Variants in AFTPH observed in about 807,000 individuals in gnomAD.
The protein encoded by AFTPH is aftiphilin protein.
Under a neutral mutation model 72.5 loss-of-function variants are expected in AFTPH, and 7 were observed. The observed-to-expected ratio is 0.10, with a 90% CI of 0.05 to 0.18. AFTPH has a LOEUF of 0.18. Among genes scored for constraint, AFTPH ranks in the 10% least tolerant of loss-of-function variants. The pLI, the probability that AFTPH is intolerant of heterozygous loss-of-function variation, is 1.00. For missense variants in AFTPH, 979 were observed against 1,060.5 expected (o/e 0.92, Z 1.07); for synonymous variants, 337 against 370.1 (o/e 0.91, Z 1.03).
At chr2:64,592,135 ATT>A in exon 9 of AFTPH, 3 of 1,170,080 alleles carry the variant, frequency 2.6e-6, no homozygotes, top group Non-Finnish European at 3.5e-6. Context: ...AAAAAAAAAA[ATT>A]CAAGTTCAGC....
At chr2:64,546,087 T>C (rs938214589) in intron 1 of AFTPH, among the ~76,000 whole-genome samples, 21 of 152,000 alleles carry the variant, frequency 1.4e-4, no homozygotes, top group Non-Finnish European at 1.8e-4. Context: ...GAGATGGGGT[T>C]TCACCATGTT....
rs544191488 is a variant in AFTPH at position 64,569,481 on chromosome 2, C to A, written c.2215-142C>A. Reference sequence around the variant, plus strand: ...GGAATTGGACTGGGAGATAAAATAACCCATATGGGCAATTTTTAAGTTTCA... The same window carrying A: ...GGAATTGGACTGGGAGATAAAATAAACCATATGGGCAATTTTTAAGTTTCA... On this transcript the variant is annotated intron_variant, in intron 4 of 8. Transcript: ENST00000238856. The A allele has an allele frequency of 7.2e-6, 7 of 976,382 alleles. No homozygotes were observed. The East Asian group carries it at 1.3e-4, about 18-fold the overall frequency. The allele number at this position is 976,382 out of a possible 1,614,324, so 60.5% of individuals were successfully genotyped here.
intron 7 of AFTPH, among the ~76,000 whole-genome samples, chr2:64,582,276 CT>C (rs1331348955): frequency 2.0e-5 from 3 of 152,212 alleles, no homozygotes; most frequent in Non-Finnish European, 1.5e-5. Flanking sequence ...CTACCACCCA[CT>C]TCCAACAGTT....
intron 1 of AFTPH, among the ~76,000 whole-genome samples, chr2:64,533,429 C>A (rs971347268): frequency 6.6e-6 from 1 of 151,980 alleles, no homozygotes. Context: ...AAACAAAAAT[C>A]TAAGGAAAAC....
chr2:64,570,429 G>A (rs1416708434), intron 5 of AFTPH, among the ~76,000 whole-genome samples: 1 of 152,182 alleles, frequency 6.6e-6, no homozygotes, highest in Non-Finnish European at 1.5e-5. Context: ...TGTGGAACTT[G>A]ACCTTTAAAT....
chr2:64,533,394 CCCTG>C (rs997877200), intron 1 of AFTPH, among the ~76,000 whole-genome samples: 3 of 152,014 alleles, frequency 2.0e-5, no homozygotes, highest in African/African-American at 7.2e-5. Context: ...GTGAGTGAGA[CCCTG>C]CCTCCAAAAA....
At chr2:64,544,053 A>G (rs371204573) in intron 1 of AFTPH, among the ~76,000 whole-genome samples, 1 of 152,074 alleles carries the variant, frequency 6.6e-6, no homozygotes, top group East Asian at 1.9e-4. Flanking sequence ...ACCCCTTTAT[A>G]TTGGACCTTC....
chr2:64,570,887 G>A (rs1360575410), intron 5 of AFTPH, among the ~76,000 whole-genome samples: 2 of 145,902 alleles, frequency 1.4e-5, no homozygotes, highest in African/African-American at 5.0e-5. Flanking sequence ...TATTTCTATG[G>A]ACTTTTTTTC....
At chr2:64,577,718 G>C (rs1344697995) in intron 6 of AFTPH, among the ~76,000 whole-genome samples, 1 of 152,144 alleles carries the variant, frequency 6.6e-6, no homozygotes, top group African/African-American at 2.4e-5. Flanking sequence ...AGCTGTGCAG[G>C]TAGGTTATAA....
At chr2:64,588,564 A>G (rs1489345752) in intron 8 of AFTPH, among the ~76,000 whole-genome samples, 2 of 152,192 alleles carry the variant, frequency 1.3e-5, no homozygotes, top group Admixed American at 6.5e-5. Context: ...CAAGTTCTCC[A>G]CATTCTTACC....
chr2:64,547,086 A>G (rs1005925269), intron 1 of AFTPH, among the ~76,000 whole-genome samples: 70 of 152,100 alleles, frequency 4.6e-4, no homozygotes, highest in African/African-American at 1.6e-3. Flanking sequence ...TACTACCATC[A>G]CAATCAAGAA....
intron 1 of AFTPH, among the ~76,000 whole-genome samples, chr2:64,550,766 T>C (rs1670997908): frequency 6.6e-6 from 1 of 150,560 alleles, no homozygotes; most frequent in African/African-American, 2.4e-5. Flanking sequence ...GTACCTGAGT[T>C]AATAGTATTG....
chr2:64,566,276 T>C (rs1047349190), intron 2 of AFTPH, among the ~76,000 whole-genome samples: 1 of 147,864 alleles, frequency 6.8e-6, no homozygotes, highest in Non-Finnish European at 1.5e-5. Context: ...CCTTTTCCAA[T>C]ATCACACACA....
At chr2:64,575,145 A>G (rs924350902) in intron 6 of AFTPH, among the ~76,000 whole-genome samples, 1 of 152,092 alleles carries the variant, frequency 6.6e-6, no homozygotes, top group African/African-American at 2.4e-5. Flanking sequence ...AGCTGATTTG[A>G]TCTTACTGTG....
intron 2 of AFTPH, among the ~76,000 whole-genome samples, chr2:64,554,556 G>T (rs867113082): frequency 3.3e-5 from 5 of 152,144 alleles, no homozygotes; most frequent in Non-Finnish European, 7.3e-5. Flanking sequence ...ATATTTCATT[G>T]CCTTGATAAC....
intron 5 of AFTPH, among the ~76,000 whole-genome samples, chr2:64,571,268 C>T (rs1672413019): frequency 2.3e-5 from 3 of 132,400 alleles, no homozygotes; most frequent in Admixed American, 1.5e-4. Flanking sequence ...CCGCCCCCCA[C>T]CCCCCTGTTT....
At chr2:64,553,702 TAAAA>T (rs5831703) in intron 2 of AFTPH, among the ~76,000 whole-genome samples, 23 of 139,294 alleles carry the variant, frequency 1.7e-4, no homozygotes, top group Middle Eastern at 3.7e-3. Flanking sequence ...CCATATATGT[TAAAA>T]AAAAAAAAAA....
intron 7 of AFTPH, among the ~76,000 whole-genome samples, chr2:64,581,771 G>T (rs891456250): frequency 6.6e-6 from 1 of 152,150 alleles, no homozygotes; most frequent in Non-Finnish European, 1.5e-5. Context: ...GTTCCAAAAT[G>T]TTGGAGTCTA....
intron 2 of AFTPH, among the ~76,000 whole-genome samples, chr2:64,558,869 C>T (rs966707209): frequency 2.0e-5 from 3 of 152,160 alleles, no homozygotes; most frequent in Non-Finnish European, 4.4e-5. Flanking sequence ...CATTGCAGGG[C>T]ACACTCACAC....
Sources: gnomAD v4.1 joint callset for allele counts (sites outside exome capture counted in the v4.1 genomes callset) on GRCh38, gnomAD v4.1.1 for gene constraint, MANE v1.5 for transcripts, NCBI Gene and HGNC (gene_info 2026-07-23, HGNC 2026-07-21) for gene names.